PTPRQ: variants seen among roughly 807,000 people sequenced by gnomAD.
The protein encoded by PTPRQ is phosphatidylinositol phosphatase PTPRQ.
PTPRQ carries 199 observed loss-of-function variants against 246.0 expected under a neutral mutation model. That is an observed-to-expected ratio of 0.81 (90% CI 0.72 to 0.91). PTPRQ has a LOEUF of 0.91. Among genes scored for constraint, PTPRQ ranks in the 40% least tolerant of loss-of-function variants. The pLI, the probability that PTPRQ is intolerant of heterozygous loss-of-function variation, is 0.00. For missense variants in PTPRQ, 2,624 were observed against 2,528.4 expected (o/e 1.04, Z -0.81); for synonymous variants, 869 against 853.2 (o/e 1.02, Z -0.32).
At chr12:80,619,966 C>T (rs1379630700) in intron 31 of PTPRQ, among the ~76,000 whole-genome samples, 188 bp from the exon 32 acceptor site, 1 of 151,454 alleles carries the variant, frequency 6.6e-6, no homozygotes, top group Admixed American at 6.6e-5. Flanking sequence ...TATAACAGTT[C>T]CTGTAGATTC....
intron 35 of PTPRQ, among the ~76,000 whole-genome samples, chr12:80,636,982 G>A (rs569789368): frequency 1.2e-3 from 187 of 152,148 alleles, no homozygotes; most frequent in Non-Finnish European, 5.3e-4. Flanking sequence ...AGAAAAGGTC[G>A]GGTGTGGTGA....
At chr12:80,498,872 T>G (rs1484390447) in intron 14 of PTPRQ, among the ~76,000 whole-genome samples, 2 of 145,016 alleles carry the variant, frequency 1.4e-5, no homozygotes, top group African/African-American at 5.3e-5. Context: ...GATTATTACA[T>G]GCACATAATC....
At chr12:80,635,787 C>T (rs1289154204) in intron 35 of PTPRQ, among the ~76,000 whole-genome samples, 1 of 152,020 alleles carries the variant, frequency 6.6e-6, no homozygotes, top group Admixed American at 6.6e-5. Context: ...ATGAAAACTA[C>T]CATCAGGCTA....
At chr12:80,551,337 A>G (rs768928214) in intron 25 of PTPRQ, among the ~76,000 whole-genome samples, 12 of 152,016 alleles carry the variant, frequency 7.9e-5, no homozygotes, top group Non-Finnish European at 1.5e-4. Flanking sequence ...TATCAATTCA[A>G]TTTCCATCAG....
chr12:80,663,478 A>G (rs1900694094), intron 39 of PTPRQ, among the ~76,000 whole-genome samples: 1 of 151,830 alleles, frequency 6.6e-6, no homozygotes, highest in Admixed American at 6.6e-5. Flanking sequence ...ATCATTCTCT[A>G]TCCCTCTGCC....
In PTPRQ at chr12:80,483,380, G is replaced by T. The variant is rs549002112; in HGVS notation, c.1187-1053G>T. Among the ~76,000 whole-genome samples the T allele has an allele frequency of 5.7e-3, 648 of 113,324 alleles. 3 individuals are homozygous for T. The highest frequency in any genetic ancestry group is 0.016 in the South Asian group (43 of 2,680). 74.3% of individuals were successfully genotyped at this position (113,324 alleles called of 152,430 possible). On this transcript the variant is annotated intron_variant, in intron 8 of 44. Transcript: ENST00000644991. ...ATCACACTCTGGGGCCTGTTGTGGG[G>T]TGGGGGGAGGGGGGAGGGATAGCAT...
chr12:80,664,388 T>G (rs543533853), intron 39 of PTPRQ, among the ~76,000 whole-genome samples: 3 of 152,112 alleles, frequency 2.0e-5, no homozygotes, highest in Admixed American at 6.6e-5. Context: ...TACTCAGTCT[T>G]TCTCCTGTGG....
intron 6 of PTPRQ, among the ~76,000 whole-genome samples, 193 bp downstream of exon 6, chr12:80,461,095 A>C (rs1286435088): frequency 6.6e-6 from 1 of 152,206 alleles, no homozygotes; most frequent in African/African-American, 2.4e-5. Context: ...TAAGTATTTG[A>C]AAGGAGAAAG....
intron 17 of PTPRQ, among the ~76,000 whole-genome samples, chr12:80,515,861 T>C (rs1057077616): frequency 9.9e-5 from 15 of 152,018 alleles, no homozygotes; most frequent in Non-Finnish European, 1.6e-4. Context: ...TGAGGGTTAA[T>C]GTGTAACCAT....
At chr12:80,651,754 T>G (rs559166836) in intron 37 of PTPRQ, among the ~76,000 whole-genome samples, 1 of 152,198 alleles carries the variant, frequency 6.6e-6, no homozygotes, top group South Asian at 2.1e-4. Flanking sequence ...TCTCCCTTCT[T>G]TATGTATTTC....
chr12:80,548,073 A>G (rs1469778039), intron 24 of PTPRQ, among the ~76,000 whole-genome samples: 2 of 152,204 alleles, frequency 1.3e-5, no homozygotes, highest in African/African-American at 2.4e-5. Context: ...AAATATTTTA[A>G]TAATATTTGT....
At chr12:80,484,358 A>T (rs1357781530) in intron 8 of PTPRQ, 75 bp from the exon 9 acceptor site, 1 of 1,465,686 alleles carries the variant, frequency 6.8e-7, no homozygotes, top group Non-Finnish European at 9.1e-7. Flanking sequence ...TGAACTAAGA[A>T]TTTAGGCACT....
chr12:80,509,958 TCTA>T (rs1290690111), intron 16 of PTPRQ, among the ~76,000 whole-genome samples: 1 of 152,104 alleles, frequency 6.6e-6, no homozygotes, highest in Non-Finnish European at 1.5e-5. Context: ...TTTTTTATTG[TCTA>T]GGGATCTCTT....
intron 35 of PTPRQ, among the ~76,000 whole-genome samples, chr12:80,640,924 C>T (rs978572465): frequency 1.3e-5 from 2 of 152,116 alleles, no homozygotes; most frequent in Non-Finnish European, 1.5e-5. Context: ...ACCTAGATTC[C>T]TGTACAGGCT....
intron 3 of PTPRQ, among the ~76,000 whole-genome samples, chr12:80,448,914 G>A (rs1354376880): frequency 6.8e-6 from 1 of 146,732 alleles, no homozygotes; most frequent in African/African-American, 2.5e-5. Flanking sequence ...TGGGTCAAAT[G>A]GTATTTCTAG....
intron 23 of PTPRQ, among the ~76,000 whole-genome samples, chr12:80,544,555 C>G (rs73349736): frequency 6.6e-6 from 1 of 152,080 alleles, no homozygotes; most frequent in African/African-American, 2.4e-5. Flanking sequence ...AAATCTACTG[C>G]GTCATGTTAC....
At chr12:80,594,230 G>C (rs1227847029) in intron 26 of PTPRQ, among the ~76,000 whole-genome samples, 2 of 152,110 alleles carry the variant, frequency 1.3e-5, no homozygotes, top group Non-Finnish European at 1.5e-5. Flanking sequence ...AAGTGTTATA[G>C]TAACAGAGGT....
intron 25 of PTPRQ, among the ~76,000 whole-genome samples, chr12:80,571,547 T>A (rs1414536375): frequency 1.3e-5 from 2 of 152,248 alleles, no homozygotes; most frequent in African/African-American, 4.8e-5. Context: ...TTAATTTTGA[T>A]GAAATCTAAA....
At chr12:80,653,143 G>A (rs1358160725) in intron 38 of PTPRQ, among the ~76,000 whole-genome samples, 1 of 152,000 alleles carries the variant, frequency 6.6e-6, no homozygotes, top group African/African-American at 2.4e-5. Flanking sequence ...TACAGACCTA[G>A]CATCAAATGC....
Sources: gnomAD v4.1 joint callset for allele counts (sites outside exome capture counted in the v4.1 genomes callset) on GRCh38, gnomAD v4.1.1 for gene constraint, MANE v1.5 for transcripts, NCBI Gene and HGNC (gene_info 2026-07-23, HGNC 2026-07-21) for gene names.